DYM: variants seen among roughly 807,000 people sequenced by gnomAD.
DYM encodes the protein dymeclin, also known as dyggve-Melchior-Clausen syndrome protein.
Under a neutral mutation model 93.1 loss-of-function variants are expected in DYM, and 78 were observed. That is an observed-to-expected ratio of 0.84 (90% CI 0.70 to 1.01). DYM has a LOEUF of 1.01. Among genes scored for constraint, DYM ranks in the 50% least tolerant of loss-of-function variants. The probability of loss-of-function intolerance (pLI) is 0.00; values close to 1 mark genes in which losing one functional copy is unlikely to be tolerated. For synonymous variants in DYM, 321 were observed against 319.7 expected (o/e 1.00, Z -0.04); for missense variants, 789 against 845.0 (o/e 0.93, Z 0.82).
intron 17 of DYM, 57 bp downstream of exon 17, chr18:49,097,345 A>G (rs2079635938): frequency 5.9e-6 from 9 of 1,515,168 alleles, no homozygotes; most frequent in Admixed American, 5.1e-5. Context: ...CTAAGACACT[A>G]ACATTTACAT....
At chr18:49,335,104 T>C (rs1599505281) in intron 6 of DYM, among the ~76,000 whole-genome samples, 1 of 151,570 alleles carries the variant, frequency 6.6e-6, no homozygotes, top group Non-Finnish European at 1.5e-5. Context: ...CGAAACTCCA[T>C]CTCAAAAACA....
At chr18:49,348,923 C>A (rs1172867642) in intron 6 of DYM, among the ~76,000 whole-genome samples, 6 of 91,734 alleles carry the variant, frequency 6.5e-5, no homozygotes, top group Admixed American at 1.1e-4. Flanking sequence ...AAAAAAAAAA[C>A]CACACCAGAT....
chr18:49,269,139 G>T (rs2094625469), intron 11 of DYM, among the ~76,000 whole-genome samples: 1 of 151,946 alleles, frequency 6.6e-6, no homozygotes, highest in African/African-American at 2.4e-5. Flanking sequence ...AATGGGCAAA[G>T]GACCTGAATA....
chr18:49,135,097 A>G (rs2083711501), intron 15 of DYM, among the ~76,000 whole-genome samples: 1 of 152,140 alleles, frequency 6.6e-6, no homozygotes, highest in Non-Finnish European at 1.5e-5. Flanking sequence ...AACAAGAGCA[A>G]AACTCCATCT....
Position 49,351,457 on chromosome 18 carries a change from T to A in DYM, c.494+11704A>T, listed in dbSNP as rs189624654. Among the ~76,000 whole-genome samples the A allele has an allele frequency of 2.4e-3, 365 of 151,666 alleles. 1 individual carries two copies. Among genetic ancestry groups the A allele is most frequent in the Admixed American group, 5.1e-3 (77 of 15,232 alleles). On this transcript the variant is annotated intron_variant, in intron 6 of 17. Coordinates refer to ENST00000675505, the MANE Select transcript of DYM (RefSeq NM_001353214.3). ...GAATAACACAAAAAACTGCCCATAGTTGAAGAACAAATATTTACTGACTAA... is the reference window on the plus strand; with the variant it reads ...GAATAACACAAAAAACTGCCCATAGATGAAGAACAAATATTTACTGACTAA...
intron 2 of DYM, 53 bp downstream of exon 2, chr18:49,430,202 A>G: frequency 6.4e-7 from 1 of 1,562,336 alleles, no homozygotes; most frequent in Non-Finnish European, 8.8e-7. Flanking sequence ...AGCATACCAC[A>G]CAAGTTGATA....
rs1204640519 is a variant in DYM, at chr18:49,413,867, G to A, written c.140+16388C>T. On this transcript the variant is annotated intron_variant, in intron 2 of 17. Transcript: ENST00000675505. ...TCCACTAAAAAATACAAAAATTAGC[G>A]GGCATGGTGGTGCACACTTGTAATC... 2.0e-5 allele frequency among the ~76,000 whole-genome samples: 3 copies of A among 151,946 alleles called. No individual in the cohort carries two copies. In the East Asian group the frequency reaches 5.8e-4, roughly 29 times the overall value.
chr18:49,251,887 G>A lies in DYM; in HGVS notation c.1460+5123C>T, dbSNP rs117331825. ...GATCTAGATTATGAATTTAGATTTG[G>A]GTGGTGTTATAGTCAGTTCTCACGC... On this transcript the variant is annotated intron_variant, in intron 13 of 17. Coordinates refer to ENST00000675505, the MANE Select transcript of DYM (RefSeq NM_001353214.3). Among the ~76,000 whole-genome samples, 87 of 152,120 alleles carry A rather than the reference G, an allele frequency of 5.7e-4. No individual in the cohort carries two copies. The East Asian group carries it at 0.011, about 19-fold the overall frequency.
intron 8 of DYM, among the ~76,000 whole-genome samples, chr18:49,301,447 G>A (rs930682925): frequency 4.6e-5 from 7 of 151,730 alleles, no homozygotes; most frequent in Admixed American, 4.6e-4. Context: ...CATGAACCCG[G>A]GAGGCGGAGC....
chr18:49,325,617 A>G (rs77507145), intron 8 of DYM, among the ~76,000 whole-genome samples: 14,409 of 152,252 alleles, frequency 0.095, 888 homozygotes, highest in East Asian at 0.31. Context: ...AAGTTTGAAA[A>G]AGGAAGATAG....
intron 16 of DYM, among the ~76,000 whole-genome samples, chr18:49,104,936 G>A (rs1222327706): frequency 3.3e-5 from 5 of 152,202 alleles, no homozygotes; most frequent in African/African-American, 4.8e-5. Context: ...AATGAGTTAG[G>A]GAGGATTCCC....
intron 14 of DYM, among the ~76,000 whole-genome samples, chr18:49,188,583 G>A (rs1487207000): frequency 6.6e-6 from 1 of 151,996 alleles, no homozygotes; most frequent in African/African-American, 2.4e-5. Flanking sequence ...GCAAACTATC[G>A]CAAGGACAAA....
intron 13 of DYM, among the ~76,000 whole-genome samples, chr18:49,235,661 A>G (rs542635768): frequency 1.6e-4 from 24 of 152,240 alleles, no homozygotes; most frequent in African/African-American, 5.3e-4. Context: ...CAGGGTCAGT[A>G]ATTACTTACG....
chr18:49,328,128 C>T (rs899250959), intron 8 of DYM, among the ~76,000 whole-genome samples: 1 of 152,116 alleles, frequency 6.6e-6, no homozygotes, highest in African/African-American at 2.4e-5. Flanking sequence ...GATAGATGAG[C>T]CTATTATGAG....
intron 1 of DYM, among the ~76,000 whole-genome samples, chr18:49,438,300 C>T (rs1243800093): frequency 2.0e-5 from 3 of 152,112 alleles, no homozygotes; most frequent in Admixed American, 2.0e-4. Context: ...AAAATCGAGA[C>T]AGCCAATTGA....
intron 14 of DYM, among the ~76,000 whole-genome samples, chr18:49,181,792 T>G (rs1409520711): frequency 6.6e-6 from 1 of 152,206 alleles, no homozygotes; most frequent in East Asian, 1.9e-4. Flanking sequence ...TTTTATCTAC[T>G]GCATTTGTTT....
At chr18:49,117,620 A>G (rs1248205285) in intron 16 of DYM, among the ~76,000 whole-genome samples, 2 of 152,150 alleles carry the variant, frequency 1.3e-5, no homozygotes, top group Non-Finnish European at 2.9e-5. Flanking sequence ...TCCAATCTCT[A>G]ACACAGCTAC....
At chr18:49,140,218 A>C (rs2084326506) in intron 15 of DYM, among the ~76,000 whole-genome samples, 1 of 152,166 alleles carries the variant, frequency 6.6e-6, no homozygotes, top group Non-Finnish European at 1.5e-5. Context: ...ACACACACAC[A>C]GTTGTCATCC....
intron 5 of DYM, among the ~76,000 whole-genome samples, chr18:49,376,596 T>G (rs1233420615): frequency 6.6e-6 from 1 of 152,214 alleles, no homozygotes; most frequent in Non-Finnish European, 1.5e-5. Context: ...CACACAGCAT[T>G]GCTATGAGGC....
Sources: gnomAD v4.1 joint callset for allele counts (sites outside exome capture counted in the v4.1 genomes callset) on GRCh38, gnomAD v4.1.1 for gene constraint, MANE v1.5 for transcripts, NCBI Gene and HGNC (gene_info 2026-07-23, HGNC 2026-07-21) for gene names.